Variants in IL31RA observed in about 807,000 individuals in gnomAD.
IL31RA encodes the protein interleukin 31 receptor A, also known as interleukin-31 receptor subunit alpha.
IL31RA carries 66 observed loss-of-function variants against 83.7 expected under a neutral mutation model. The observed-to-expected ratio is 0.79, with a 90% CI of 0.65 to 0.97. The LOEUF (loss-of-function observed/expected upper bound fraction) is 0.97. Ranked by LOEUF, IL31RA falls within the 50% of genes least tolerant of loss-of-function variation. The pLI is 0.00. For missense variants in IL31RA, 798 were observed against 919.4 expected (o/e 0.87, Z 1.71); for synonymous variants, 325 against 329.0 (o/e 0.99, Z 0.13).
chr5:55,884,112 T>C (rs1747435055), intron 5 of IL31RA, among the ~76,000 whole-genome samples: 2 of 152,198 alleles, frequency 1.3e-5, no homozygotes, highest in African/African-American at 4.8e-5. Context: ...CTTTTGCATG[T>C]TTTTTCTATT....
intron 2 of IL31RA, among the ~76,000 whole-genome samples, chr5:55,861,136 A>T (rs954577920): frequency 2.0e-5 from 3 of 152,210 alleles, no homozygotes; most frequent in African/African-American, 7.2e-5. Context: ...TTTTGGAGAG[A>T]CATAATTTAG....
rs762798761 is a variant in IL31RA, at chr5:55,859,617, C to CT, written c.154+22dup. 5.3e-6 allele frequency: 8 copies of CT among 1,509,756 alleles called. No homozygotes were observed. The South Asian group carries it at 7.9e-5, about 15-fold the overall frequency. The allele number at this position is 1,509,756 out of a possible 1,614,324, so 93.5% of individuals were successfully genotyped here. Reference sequence around the variant, plus strand: ...CCTGGCAGGTAGGTTGACCTGGGCCCTTTTACAGATCATGTGATTATTATT... The same window carrying CT: ...CCTGGCAGGTAGGTTGACCTGGGCCCTTTTTACAGATCATGTGATTATTATT... On this transcript the variant is annotated intron_variant, in intron 2 of 14. Transcript: ENST00000652347.
intron 6 of IL31RA, among the ~76,000 whole-genome samples, chr5:55,891,564 C>G (rs1035269497): frequency 6.6e-6 from 1 of 152,070 alleles, no homozygotes; most frequent in Non-Finnish European, 1.5e-5. Context: ...ATCCCCCCAT[C>G]ATCACATCAC....
Position 55,922,594 on chromosome 5 carries a change from T to A in IL31RA, c.*5474T>A. ...ACACATGGACCACCTACGGATGCAA[T>A]CTGTAATGCATGTGCATGAGAAGTC... On this transcript the variant is annotated 3_prime_UTR_variant, in exon 15 of 15. Transcript: ENST00000652347. 1 of 603,626 alleles carries A rather than the reference T, an allele frequency of 1.7e-6. No individual in the cohort carries two copies. The highest frequency in any genetic ancestry group is 3.0e-6 in the Non-Finnish European group (1 of 336,222). The allele number at this position is 603,626 out of a possible 1,614,324, so 37.4% of individuals were successfully genotyped here.
chr5:55,852,806 T>C (rs1489658107), intron 1 of IL31RA, among the ~76,000 whole-genome samples: 1 of 152,212 alleles, frequency 6.6e-6, no homozygotes, highest in Non-Finnish European at 1.5e-5. Context: ...GTTCAAGTCT[T>C]GGCTCCACCA....
At chr5:55,851,712 G>A in intron 1 of IL31RA, 79 bp downstream of exon 1, 1 of 1,613,000 alleles carries the variant, frequency 6.2e-7, no homozygotes. Context: ...TGAGTAATGA[G>A]GGTTGATTTT....
At chr5:55,859,411 T>C (rs1745537375) in intron 1 of IL31RA, 98 bp from the exon 2 acceptor site, 7 of 858,140 alleles carry the variant, frequency 8.2e-6, no homozygotes. Context: ...ATAGGATCCT[T>C]CCTCCTTCCA....
chr5:55,922,530 AG>A lies in IL31RA; in HGVS notation c.*5411del. On this transcript the variant is annotated 3_prime_UTR_variant, in exon 15 of 15. Coordinates refer to ENST00000652347, the MANE Select transcript of IL31RA (RefSeq NM_139017.7). ...TAGGAAGACTGAATCTGTGGCCCCAAGAGAACCATCTCTGAAGACTGGGTAT... is the reference window on the plus strand; with the variant it reads ...TAGGAAGACTGAATCTGTGGCCCCAAAGAACCATCTCTGAAGACTGGGTAT... 9.5e-7 allele frequency: 1 copy of A among 1,049,492 alleles called. No homozygotes were observed. Among genetic ancestry groups the A allele is most frequent in the African/African-American group, 1.6e-5 (1 of 63,224 alleles). The allele number at this position is 1,049,492 out of a possible 1,614,324, so 65.0% of individuals were successfully genotyped here.
upstream of IL31RA, among the ~76,000 whole-genome samples, chr5:55,849,792 C>G (rs1384768169): frequency 2.0e-5 from 3 of 152,210 alleles, no homozygotes; most frequent in Non-Finnish European, 4.4e-5. Context: ...GGAATTCTCT[C>G]TCTTCTATTT....
At chr5:55,845,692 G>A in the IL31RA span, among the ~76,000 whole-genome samples, 82 of 152,060 alleles carry the variant, frequency 5.4e-4, 1 homozygote, top group East Asian at 0.014. Context: ...TTTTCCTTCC[G>A]CCATGATTGT....
At chr5:55,913,216 G>A (rs1749599177) in intron 12 of IL31RA, among the ~76,000 whole-genome samples, 1 of 152,038 alleles carries the variant, frequency 6.6e-6, no homozygotes, top group Non-Finnish European at 1.5e-5. Context: ...TCAGCCTCCT[G>A]AGTAGCTGGG....
chr5:55,922,336 C>T lies in IL31RA; in HGVS notation c.*5216C>T, dbSNP rs1163186162. ...ACAAGAGGGCAAAACCTGCTGTCAG[C>T]AATGCTCTCGTGGCTGTTCAAGGGA... On this transcript the variant is annotated 3_prime_UTR_variant, in exon 15 of 15. Transcript: ENST00000652347. 1.4e-6 allele frequency: 2 copies of T among 1,432,508 alleles called. No individual in the cohort carries two copies. The highest frequency in any genetic ancestry group is 2.5e-5 in the East Asian group (1 of 40,408). 88.7% of individuals were successfully genotyped at this position (1,432,508 alleles called of 1,614,324 possible).
Position 55,916,773 on chromosome 5 carries a change from G to T in IL31RA, c.1948G>T (p.Glu650Ter), listed in dbSNP as rs116001952. Residue 650 changes from glutamate to a stop codon, truncating the protein, a stop_gained, in exon 15 of 15, where the codon GAA becomes TAA. Coordinates refer to ENST00000652347, the MANE Select transcript of IL31RA (RefSeq NM_139017.7). LOFTEE classifies it low-confidence loss of function (END_TRUNC). The stretch of plus-strand genomic sequence containing the variant: ...GGTGAACTTTGGGAATGTTCTGCAA[G>T]AAATTTTCACAGATGAAGCCAGAAC... ...LVVNFGNVLQ[E>*]IFTDEARTGQ... 1.5e-5 allele frequency: 24 copies of T among 1,614,090 alleles called. No individual in the cohort carries two copies. Among genetic ancestry groups the T allele is most frequent in the Non-Finnish European group, 2.0e-5 (24 of 1,180,050 alleles).
intron 4 of IL31RA, among the ~76,000 whole-genome samples, chr5:55,872,756 T>C (rs1580678655): frequency 6.6e-6 from 1 of 151,880 alleles, no homozygotes; most frequent in East Asian, 1.9e-4. Context: ...AAAAGGTCTC[T>C]CCCCACCACC....
chr5:55,909,995 C>G lies in IL31RA; in HGVS notation c.1502-537C>G, dbSNP rs370689016. On this transcript the variant is annotated intron_variant, in intron 11 of 14. Transcript: ENST00000652347. Reference sequence around the variant, plus strand: ...CTGGGATGACAGGCATGAGCCACTGCGCCCGGCCAGCCCGTTTGTATATCT... The same window carrying G: ...CTGGGATGACAGGCATGAGCCACTGGGCCCGGCCAGCCCGTTTGTATATCT... 2.0e-5 allele frequency among the ~76,000 whole-genome samples: 3 copies of G among 152,316 alleles called. No individual in the cohort carries two copies. In the South Asian group the frequency reaches 6.2e-4, roughly 32 times the overall value.
Position 55,851,368 on chromosome 5 carries a change from C to G in IL31RA, c.-203C>G. The G allele has an allele frequency of 1.3e-6, 1 of 795,466 alleles. No individual in the cohort carries two copies. Among genetic ancestry groups the G allele is most frequent in the Non-Finnish European group, 2.0e-6 (1 of 501,648 alleles). 49.3% of individuals were successfully genotyped at this position (795,466 alleles called of 1,614,324 possible). A position where few individuals can be genotyped will look rare whatever the true frequency, so the allele number is the denominator to read the frequency against. On this transcript the variant is annotated 5_prime_UTR_variant, in exon 1 of 15. Transcript: ENST00000652347. ...TTTCTCCATGAGGCACAGCCTCCTT[C>G]TGCTTAGGAACACCAGACAGCACTC...
rs143745353 is a variant in IL31RA at position 55,854,288 on chromosome 5, G to A, written c.63+2655G>A. On this transcript the variant is annotated intron_variant, in intron 1 of 14. Transcript: ENST00000652347. ...ACTGGAGGTAGTCATCTGACAGCTC[G>A]CAATCTCATCTTGGGCAATGTATAT... 1.4e-4 allele frequency among the ~76,000 whole-genome samples: 22 copies of A among 152,212 alleles called. No homozygotes were observed. The East Asian group carries it at 3.9e-3, about 27-fold the overall frequency.
chr5:55,908,352 G>T lies in IL31RA; in HGVS notation c.1442G>T (p.Arg481Ile). The change falls in exon 11 of 15, where the codon AGA becomes ATA. Residue 481 changes from arginine to isoleucine, a missense_variant. Transcript: ENST00000652347. ...TGGAAAGAGATTCCCAAGAGTGAGA[G>T]AAAGGGTATCATCTGCAACTACACC... ...ITWKEIPKSE[R>I]KGIICNYTIF... 1 of 1,614,148 alleles carries T rather than the reference G, an allele frequency of 6.2e-7. No homozygotes were observed. The highest frequency in any genetic ancestry group is 2.2e-5 in the East Asian group (1 of 44,876).
intron 3 of IL31RA, among the ~76,000 whole-genome samples, chr5:55,869,644 T>C (rs1746391717): frequency 6.6e-6 from 1 of 152,024 alleles, no homozygotes; most frequent in Admixed American, 6.6e-5. Flanking sequence ...TGGCCAACTT[T>C]TGTATTTTTA....
Sources: gnomAD v4.1 joint callset for allele counts (sites outside exome capture counted in the v4.1 genomes callset) on GRCh38, gnomAD v4.1.1 for gene constraint, MANE v1.5 for transcripts, NCBI Gene and HGNC (gene_info 2026-07-23, HGNC 2026-07-21) for gene names.